The following AHNAK2 variants were observed in gnomAD, a reference collection of about 807,000 sequenced individuals.
The protein encoded by AHNAK2 is AHNAK nucleoprotein 2.
Under a neutral mutation model 30.7 loss-of-function variants are expected in AHNAK2, and 18 were observed. That is an observed-to-expected ratio of 0.59 (90% CI 0.41 to 0.87). The LOEUF (loss-of-function observed/expected upper bound fraction) is 0.87. AHNAK2 is among the 40% of genes least tolerant of loss of function. The pLI is 0.00. For synonymous variants in AHNAK2, 3,590 were observed against 3,073.8 expected, an observed-to-expected ratio of 1.17 and a Z score of -5.56; for missense variants, 8,604 against 7,373.0, an observed-to-expected ratio of 1.17 and a Z score of -6.11.
At chr14:104,970,528 C>G (rs1295735500) in intron 1 of AHNAK2, 1 of 985,498 alleles carries the variant, frequency 1.0e-6, no homozygotes, top group Non-Finnish European at 1.2e-6. Context: ...CCCTGCCACG[C>G]CCGGTTCTTC....
chr14:104,974,856 T>A (rs1899557116), intron 1 of AHNAK2, among the ~76,000 whole-genome samples: 1 of 152,226 alleles, frequency 6.6e-6, no homozygotes, highest in South Asian at 2.1e-4. Flanking sequence ...GACCCCCAGA[T>A]GGCCAGTGCC....
chr14:104,945,075 A>T lies in AHNAK2; in HGVS notation c.10376T>A (p.Leu3459Gln), dbSNP rs184149817. The T allele has an allele frequency of 2.2e-4, 352 of 1,613,174 alleles. No homozygotes were observed. In the African/African-American group the frequency reaches 4.3e-3, roughly 20 times the overall value. ...AGTCACATCCTTTTCAGCCAGGGAC[A>T]GGTCCCCCTCCAGCCGCGCACCATC... ...KLDGARLEGD[L>Q]SLAEKDVTAK... The change falls in exon 7 of 7, where the codon CTG becomes CAG. Residue 3459 changes from leucine (L) to glutamine (Q), a missense_variant. By Grantham distance (113) the Leu-to-Gln change is moderately radical. Coordinates refer to ENST00000333244, the MANE Select transcript of AHNAK2 (RefSeq NM_138420.4).
rs1898897470 is a variant in AHNAK2 at position 104,954,206 on chromosome 14, C to T, written c.1245G>A (p.Arg415=). ...GGGTCTTTCCATGGAGCCTGGCTGC[C>T]CTGAGTCCCCCTTCCTGAGGGGTTC... ...CEGTPQEGGL[R]AARLHGKTLE... is the part of the protein sequence containing the mutation. The change falls in exon 7 of 7, where the codon AGG becomes AGA. Residue 415 remains arginine (R), a synonymous_variant. Coordinates refer to ENST00000333244, the MANE Select transcript of AHNAK2 (RefSeq NM_138420.4). The surrounding 1 kb of genome is among the most constrained non-coding windows in gnomAD (Gnocchi z 4.3). 1 of 1,610,636 alleles carries T rather than the reference C, an allele frequency of 6.2e-7. No individual in the cohort carries two copies. Among genetic ancestry groups the T allele is most frequent in the African/African-American group, 1.3e-5 (1 of 75,026 alleles).
rs1476487381 is a variant in AHNAK2, at chr14:104,953,936, T to C, written c.1515A>G (p.Glu505=). Residue 505 remains glutamate (E), a synonymous_variant, in exon 7 of 7, where the codon GAA becomes GAG. Coordinates refer to ENST00000333244, the MANE Select transcript of AHNAK2 (RefSeq NM_138420.4). ...AFSTEKEPER[E]RRLSTPQRGK... is the part of the protein sequence containing the mutation. ...CTCGCTGTGGGGTACTAAGGCGCCT[T>C]TCTCTTTCTGGCTCTTTTTCTGTGG... 1 of 1,613,988 alleles carries C rather than the reference T, an allele frequency of 6.2e-7. No individual in the cohort carries two copies. The highest frequency in any genetic ancestry group is 1.7e-5 in the Admixed American group (1 of 60,018).
At chr14:104,973,060 C>G (rs1169137234) in intron 1 of AHNAK2, among the ~76,000 whole-genome samples, 1 of 152,242 alleles carries the variant, frequency 6.6e-6, no homozygotes, top group East Asian at 1.9e-4. Context: ...TCACCTGCCT[C>G]AGTTCCCGGG....
Position 104,950,884 on chromosome 14 carries a change from C to T in AHNAK2, c.4567G>A (p.Val1523Met), listed in dbSNP as rs541978189. 16 of 1,570,234 alleles carry T rather than the reference C, an allele frequency of 1.0e-5. 2 individuals are homozygous for T. In the East Asian group the frequency reaches 2.0e-4, roughly 20 times the overall value. Residue 1523 changes from valine to methionine, a missense_variant, in exon 7 of 7, where the codon GTG (valine) becomes ATG (methionine). Transcript: ENST00000333244. ...EASVDVSAPK[V>M]EADVSLPSMQ... is the part of the protein sequence containing the mutation. ...GAGGGGAGGCTCACGTCGGCCTCCACCTTCGGCGCAGACACATCCACTGAG... is the reference window on the plus strand; with the variant it reads ...GAGGGGAGGCTCACGTCGGCCTCCATCTTCGGCGCAGACACATCCACTGAG...
chr14:104,955,450 A>G (rs1436939865), intron 5 of AHNAK2, 33 bp downstream of exon 5: 2 of 1,592,900 alleles, frequency 1.3e-6, no homozygotes, highest in East Asian at 2.2e-5. Context: ...GGTGGGGAGA[A>G]TGGTGACCCC....
At chr14:104,956,792 C>T (rs1898988534) in intron 3 of AHNAK2, 103 bp from the exon 4 acceptor site, 1 of 1,040,676 alleles carries the variant, frequency 9.6e-7, no homozygotes, top group Non-Finnish European at 1.5e-6. Context: ...TTCAGAGGGG[C>T]CCAGAACTTC....
At chr14:104,968,968 C>T (rs1393340540) in intron 1 of AHNAK2, among the ~76,000 whole-genome samples, 2 of 152,216 alleles carry the variant, frequency 1.3e-5, no homozygotes, top group African/African-American at 2.4e-5. Context: ...CACAGGCACA[C>T]ACAGCCGGCC....
At position 104,948,143 on chromosome 14, in the gene AHNAK2, G is replaced by A. The variant is rs377022665; in HGVS notation, c.7308C>T (p.Asp2436=). The A allele has an allele frequency of 5.4e-5, 86 of 1,605,558 alleles. No individual in the cohort carries two copies. The African/African-American group carries it at 6.2e-4, about 12-fold the overall frequency. The part of the protein sequence containing the change: ...PKLDLKGPKT[D]VMAPDVEVSQ... ...ACACCTCCACGTCGGGGGCCATCAC[G>A]TCCGTCTTGGGGCCTTTCAGGTCCA... Residue 2436 remains aspartate, a synonymous_variant, in exon 7 of 7, where the codon GAC becomes GAT. Coordinates refer to ENST00000333244, the MANE Select transcript of AHNAK2 (RefSeq NM_138420.4).
At position 104,948,995 on chromosome 14, in the gene AHNAK2, C is replaced by T. The variant is rs781418294; in HGVS notation, c.6456G>A (p.Lys2152=). 25 of 1,240,582 alleles carry T rather than the reference C, an allele frequency of 2.0e-5. 5 individuals carry two copies. Among genetic ancestry groups the T allele is most frequent in the Middle Eastern group, 5.0e-4 (2 of 3,986 alleles). 76.8% of individuals were successfully genotyped at this position (1,240,582 alleles called of 1,614,324 possible). ...GCATCTTGAACTTGGGCATTTTGAA[C>T]TTGCTGTCTTTGGTAGTCAGGTCCT... ...ANKDLTTKDS[K]FKMPKFKMPS... The change falls in exon 7 of 7, where the codon AAG becomes AAA. Residue 2152 remains lysine (K), a synonymous_variant. Transcript: ENST00000333244.
Position 104,947,290 on chromosome 14 carries a change from C to T in AHNAK2, c.8161G>A (p.Val2721Ile), listed in dbSNP as rs886688195. The T allele has an allele frequency of 3.7e-5, 60 of 1,611,416 alleles. No individual in the cohort carries two copies. The highest frequency in any genetic ancestry group is 1.6e-4 in the Middle Eastern group (1 of 6,068). ...CCTTTGAGGCCGGCTCCCTCGGGAACGTGGCCCTCTGGGAGTTTCACATCC... is the reference window on the plus strand; with the variant it reads ...CCTTTGAGGCCGGCTCCCTCGGGAATGTGGCCCTCTGGGAGTTTCACATCC... ...QVDVKLPEGH[V>I]PEGAGLKGHL... is the part of the protein sequence containing the mutation. Residue 2721 changes from valine to isoleucine, a missense_variant, in exon 7 of 7, where the codon GTT (valine) becomes ATT (isoleucine). Transcript: ENST00000333244.
rs766161299 is a variant in AHNAK2 at position 104,943,797 on chromosome 14, T to G, written c.11654A>C (p.His3885Pro). Residue 3885 changes from histidine to proline, a missense_variant, in exon 7 of 7, where the codon CAC becomes CCC. His to Pro is a moderately conservative substitution (Grantham distance 77). Coordinates refer to ENST00000333244, the MANE Select transcript of AHNAK2 (RefSeq NM_138420.4). ...ACTGGGCATCTGCACCTTGGGCAGG[T>G]GTCCTTTGAGGCCGGCTTCCTCGGG... ...HVPEEAGLKG[H>P]LPKVQMPSFK... 1 of 1,612,962 alleles carries G rather than the reference T, an allele frequency of 6.2e-7. No homozygotes were observed. The highest frequency in any genetic ancestry group is 1.3e-5 in the African/African-American group (1 of 74,680).
Position 104,946,094 on chromosome 14 carries a change from C to T in AHNAK2, c.9357G>A (p.Lys3119=), listed in dbSNP as rs903336623. Residue 3119 remains lysine (K), a synonymous_variant, in exon 7 of 7, where the codon AAG becomes AAA. Coordinates refer to ENST00000333244, the MANE Select transcript of AHNAK2 (RefSeq NM_138420.4). ...CCCCCTCCAGCCGTGCACCATCCAA[C>T]TTGGCTCCTGGGGCCTCGACATCCA... ...MEVDVEAPGA[K]LDGARLEGDL... is the part of the protein sequence containing the mutation. The T allele has an allele frequency of 1.9e-6, 3 of 1,611,116 alleles. No individual in the cohort carries two copies. The highest frequency in any genetic ancestry group is 2.5e-6 in the Non-Finnish European group (3 of 1,179,048).
rs1043787118 is a variant in AHNAK2 at position 104,953,638 on chromosome 14, C to G, written c.1813G>C (p.Ala605Pro). The G allele has an allele frequency of 6.2e-7, 1 of 1,613,830 alleles. No individual in the cohort carries two copies. Among genetic ancestry groups the G allele is most frequent in the Admixed American group, 1.7e-5 (1 of 60,006 alleles). ...SKHTKTGREKATEDTEQGREG... is the reference protein window; with the variant it reads ...SKHTKTGREKPTEDTEQGREG... ...CTTCCCTGCTCTGTGTCTTCTGTGG[C>G]TTTTTCTCTGCCTGTCTTTGTGTGC... is the stretch of plus-strand genomic sequence containing the variant. Residue 605 changes from alanine to proline, a missense_variant, in exon 7 of 7, where the codon GCC becomes CCC. By Grantham distance (27) the Ala-to-Pro change is conservative. Transcript: ENST00000333244.
intron 1 of AHNAK2, among the ~76,000 whole-genome samples, chr14:104,959,918 G>A (rs1328890428): frequency 6.6e-6 from 1 of 152,154 alleles, no homozygotes; most frequent in Non-Finnish European, 1.5e-5. Context: ...ATAAAGCAAG[G>A]ATTGACAAAC....
At chr14:104,978,032 A>G in intron 1 of AHNAK2, 151 bp downstream of exon 1, 1 of 523,978 alleles carries the variant, frequency 1.9e-6, no homozygotes, top group Non-Finnish European at 2.8e-6. Flanking sequence ...GCGGCCGGGA[A>G]GGCCCAGAAC....
chr14:104,950,995 A>T lies in AHNAK2; in HGVS notation c.4456T>A (p.Leu1486Met), dbSNP rs77961338. ...EEDMSLADKD[L>M]TTKDSKFKMP... ...TTGAACTTGCTGTCTTTGGTAGTCA[A>T]GTCCTTGTCGGCCAGGGACATGTCC... The change falls in exon 7 of 7, where the codon TTG becomes ATG. Residue 1486 changes from leucine (L) to methionine (M), a missense_variant. By Grantham distance (15) the Leu-to-Met change is conservative. Transcript: ENST00000333244. The T allele has an allele frequency of 5.3e-5, 56 of 1,055,560 alleles. 20 individuals carry two copies. The highest frequency in any genetic ancestry group is 5.4e-4 in the Middle Eastern group (2 of 3,680). The allele number at this position is 1,055,560 out of a possible 1,614,324, so 65.4% of individuals were successfully genotyped here. A position where few individuals can be genotyped will look rare whatever the true frequency, so the allele number is the denominator to read the frequency against.
rs1367600542 is a variant in AHNAK2, at chr14:104,948,064, C to T, written c.7387G>A (p.Ala2463Thr). The T allele has an allele frequency of 6.2e-7, 1 of 1,612,976 alleles. No homozygotes were observed. The highest frequency in any genetic ancestry group is 8.5e-7 in the Non-Finnish European group (1 of 1,179,726). ...VEAPGAKLDG[A>T]WLEGDLSVAD... is the part of the protein sequence containing the mutation. ...ACAGACAGGTCCCCCTCCAGCCACG[C>T]ACCATCCAGCTTGGCTCCCGGGGCC... Residue 2463 changes from alanine (A) to threonine (T), a missense_variant, in exon 7 of 7, where the codon GCG becomes ACG. Coordinates refer to ENST00000333244, the MANE Select transcript of AHNAK2 (RefSeq NM_138420.4).
Sources: gnomAD v4.1 joint callset for allele counts (sites outside exome capture counted in the v4.1 genomes callset) on GRCh38, gnomAD v4.1.1 for gene constraint, Gnocchi (gnomAD v3.1) non-coding constraint, MANE v1.5 for transcripts, NCBI Gene and HGNC (gene_info 2026-07-23, HGNC 2026-07-21) for gene names.